Variants in IGF1R observed in about 807,000 individuals in gnomAD.
IGF1R encodes insulin like growth factor 1 receptor.
IGF1R carries 44 observed loss-of-function variants against 144.6 expected under a neutral mutation model. That is an observed-to-expected ratio of 0.30 (90% CI 0.24 to 0.39). IGF1R has a LOEUF of 0.39. Among genes scored for constraint, IGF1R ranks in the 10% least tolerant of loss-of-function variants. IGF1R has a pLI of 1.00. For missense variants in IGF1R, 1,355 were observed against 1,833.7 expected, an observed-to-expected ratio of 0.74 and a Z score of 4.77; for synonymous variants, 795 against 722.8, an observed-to-expected ratio of 1.10 and a Z score of -1.60.
chr15:98,865,357 A>C (rs761051434), intron 2 of IGF1R, among the ~76,000 whole-genome samples: 1 of 152,232 alleles, frequency 6.6e-6, no homozygotes, highest in Non-Finnish European at 1.5e-5. Flanking sequence ...ATATCCTGTA[A>C]GTCATTGCAG....
intron 7 of IGF1R, among the ~76,000 whole-genome samples, chr15:98,912,383 C>G (rs947225872): frequency 9.8e-5 from 15 of 152,362 alleles, no homozygotes; most frequent in African/African-American, 3.6e-4. Context: ...GTGTTTTGTT[C>G]ATGTTTGTTT....
At chr15:98,824,815 G>C (rs545583040) in intron 2 of IGF1R, among the ~76,000 whole-genome samples, 8 of 151,432 alleles carry the variant, frequency 5.3e-5, no homozygotes, top group Admixed American at 1.3e-4. Context: ...ACGCTGTTTC[G>C]TTCTTTATTT....
chr15:98,743,662 A>G (rs78443352), intron 2 of IGF1R, among the ~76,000 whole-genome samples: 5,384 of 152,294 alleles, frequency 0.035, 295 homozygotes, highest in African/African-American at 0.12. Context: ...GTCTTCACCA[A>G]AGGATCAGTG....
chr15:98,816,463 G>T (rs906327320), intron 2 of IGF1R, among the ~76,000 whole-genome samples: 1 of 152,104 alleles, frequency 6.6e-6, no homozygotes, highest in Non-Finnish European at 1.5e-5. Flanking sequence ...AACCCTAGCC[G>T]GCCATCACTC....
chr15:98,788,056 C>CTGTGTGTGTGTGTG (rs1218256852), intron 2 of IGF1R, among the ~76,000 whole-genome samples: 2 of 106,346 alleles, frequency 1.9e-5, no homozygotes, highest in African/African-American at 6.1e-5. Flanking sequence ...CTCTCTCTCT[C>CTGTGTGTGTGTGTG]TCTCTCTGTG....
intron 2 of IGF1R, among the ~76,000 whole-genome samples, chr15:98,796,242 G>A (rs1015928421): frequency 1.3e-5 from 2 of 151,990 alleles, no homozygotes; most frequent in South Asian, 4.2e-4. Flanking sequence ...GTCTCAGAGG[G>A]TCCAGAAAGT....
chr15:98,957,387 A>G lies in IGF1R; in HGVS notation c.4049A>G (p.Asn1350Ser). Residue 1350 changes from asparagine (N) to serine (S), a missense_variant, in exon 21 of 21, where the codon AAC becomes AGC. Physicochemically the swap from Asn to Ser is conservative, Grantham distance 46. This residue lies in a region of IGF1R where 219 missense variants were observed against 188.8 expected (regional missense o/e 1.16). Transcript: ENST00000650285. Reference sequence around the variant, plus strand: ...GAGAGACAGCCTTACGCCCACATGAACGGGGGCCGCAAGAACGAGCGGGCC... The same window carrying G: ...GAGAGACAGCCTTACGCCCACATGAGCGGGGGCCGCAAGAACGAGCGGGCC... ...FDERQPYAHMNGGRKNERALP... is the reference protein window; with the variant it reads ...FDERQPYAHMSGGRKNERALP... 1 of 1,613,270 alleles carries G rather than the reference A, an allele frequency of 6.2e-7. No individual in the cohort carries two copies. Among genetic ancestry groups the G allele is most frequent in the Non-Finnish European group, 8.5e-7 (1 of 1,180,004 alleles).
intron 18 of IGF1R, among the ~76,000 whole-genome samples, chr15:98,940,749 T>C (rs552763012): frequency 6.6e-6 from 1 of 152,324 alleles, no homozygotes; most frequent in South Asian, 2.1e-4. Flanking sequence ...CTTTTTACTC[T>C]GTAGGAGCTA....
rs1351173406 is a variant in IGF1R at position 98,959,870 on chromosome 15, GTAT to G, written c.*2432_*2434del. On this transcript the variant is annotated 3_prime_UTR_variant, in exon 21 of 21. Transcript: ENST00000650285. Reference sequence around the variant, plus strand: ...TGTTCCCTTTAAAAAAAAAAAAAAGGTATTATATGTAGGAGTTTTCTTTTAATT... The same window carrying G: ...TGTTCCCTTTAAAAAAAAAAAAAAGGTATATGTAGGAGTTTTCTTTTAATT... 113 of 228,910 alleles carry G rather than the reference GTAT, an allele frequency of 4.9e-4. 1 individual carries two copies. In the East Asian group the frequency reaches 5.4e-3, roughly 11 times the overall value. 14.2% of individuals were successfully genotyped at this position (228,910 alleles called of 1,614,324 possible). A position where few individuals can be genotyped will look rare whatever the true frequency, so the allele number is the denominator to read the frequency against.
intron 20 of IGF1R, among the ~76,000 whole-genome samples, chr15:98,950,878 A>G (rs2016746419): frequency 6.6e-6 from 1 of 152,206 alleles, no homozygotes; most frequent in African/African-American, 2.4e-5. Context: ...GTCCCTAATC[A>G]AACAATCAAG....
chr15:98,890,680 C>T (rs2013863358), intron 2 of IGF1R: 1 of 156,976 alleles, frequency 6.4e-6, no homozygotes, highest in Admixed American at 6.1e-5. Context: ...CTGTAACACA[C>T]CTATGTTCTT....
chr15:98,768,512 G>C (rs2055493651), intron 2 of IGF1R, among the ~76,000 whole-genome samples: 1 of 151,492 alleles, frequency 6.6e-6, no homozygotes, highest in African/African-American at 2.4e-5. Context: ...CTACTTGGGA[G>C]GCTGAGGCAG....
chr15:98,720,792 C>G lies in IGF1R; in HGVS notation c.640+12685C>G, dbSNP rs186485590. 2.6e-3 allele frequency among the ~76,000 whole-genome samples: 401 copies of G among 152,300 alleles called. 2 individuals carry two copies. Among genetic ancestry groups the G allele is most frequent in the African/African-American group, 9.1e-3 (380 of 41,550 alleles). On this transcript the variant is annotated intron_variant, in intron 2 of 20. Transcript: ENST00000650285. ...TATTCATAAGTGCATATGAGAAATG[C>G]TGATGTAACTCGATTATGTGGAATG... is the stretch of plus-strand genomic sequence containing the variant.
Position 98,760,619 on chromosome 15 carries a change from A to G in IGF1R, c.640+52512A>G, listed in dbSNP as rs75486470. On this transcript the variant is annotated intron_variant, in intron 2 of 20. Transcript: ENST00000650285. The stretch of plus-strand genomic sequence containing the variant: ...GCTGCGGCATTGCAGGCGTGTGTGC[A>G]TGTTGGCTCTTGCAACGGGGCGTCT... 6.4e-3 allele frequency among the ~76,000 whole-genome samples: 977 copies of G among 152,236 alleles called. 17 individuals are homozygous for G. Among genetic ancestry groups the G allele is most frequent in the South Asian group, 0.058 (281 of 4,806 alleles).
chr15:98,820,938 T>G (rs2141478034), intron 2 of IGF1R: 1 of 152,314 alleles, frequency 6.6e-6, no homozygotes, highest in African/African-American at 2.4e-5. Context: ...TGGTCTTCAC[T>G]TGGTATGTGA....
At chr15:98,800,754 C>A (rs552366976) in intron 2 of IGF1R, among the ~76,000 whole-genome samples, 85 of 152,218 alleles carry the variant, frequency 5.6e-4, no homozygotes, top group African/African-American at 2.0e-3. Context: ...TGGAAAACAC[C>A]GGCACAAAAC....
intron 1 of IGF1R, among the ~76,000 whole-genome samples, chr15:98,664,049 T>TA (rs1164815313): frequency 6.6e-6 from 1 of 152,156 alleles, no homozygotes; most frequent in Non-Finnish European, 1.5e-5. Flanking sequence ...CAAATAACAT[T>TA]AAAAAACACA....
In IGF1R at chr15:98,704,303, G is replaced by T. The variant is rs567157041; in HGVS notation, c.95-3259G>T. Among the ~76,000 whole-genome samples the T allele has an allele frequency of 1.2e-3, 187 of 152,316 alleles. No individual in the cohort carries two copies. The Middle Eastern group carries it at 0.024, about 19-fold the overall frequency. ...TTGGGGGAATAGTTGAAGCTAAGGT[G>T]TTTAGGCAGAGCTCTGAGGAGGTGA... On this transcript the variant is annotated intron_variant, in intron 1 of 20. Coordinates refer to ENST00000650285, the MANE Select transcript of IGF1R (RefSeq NM_000875.5). This position sits in a 1 kb window ranked among gnomAD's most constrained non-coding sequence, Gnocchi z 4.9.
At chr15:98,778,398 C>T (rs981774606) in intron 2 of IGF1R, among the ~76,000 whole-genome samples, 5 of 152,186 alleles carry the variant, frequency 3.3e-5, no homozygotes, top group South Asian at 2.1e-4. Flanking sequence ...TATAGTCACT[C>T]ATTCTGTTAT....
Sources: gnomAD v4.1 joint callset for allele counts (sites outside exome capture counted in the v4.1 genomes callset) on GRCh38, gnomAD v4.1.1 for gene constraint, gnomAD v4.1.1 regional missense constraint, Gnocchi (gnomAD v3.1) non-coding constraint, MANE v1.5 for transcripts, NCBI Gene and HGNC (gene_info 2026-07-23, HGNC 2026-07-21) for gene names.